CDC42BPA: variants seen among roughly 807,000 people sequenced by gnomAD.
CDC42BPA encodes the protein CDC42 binding protein kinase alpha.
In CDC42BPA, 80 loss-of-function variants were observed where a neutral mutation model predicts 223.5. The ratio of observed to expected loss-of-function variants is 0.36; its 90% CI spans 0.30 to 0.43. CDC42BPA has a LOEUF of 0.43. CDC42BPA is among the 20% of genes least tolerant of loss of function. The pLI, the probability that CDC42BPA is intolerant of heterozygous loss-of-function variation, is 1.00. For synonymous variants in CDC42BPA, 694 were observed against 718.6 expected (o/e 0.97, Z 0.55); for missense variants, 1,743 against 2,099.9 (o/e 0.83, Z 3.32).
intron 21 of CDC42BPA, among the ~76,000 whole-genome samples, chr1:227,056,388 TTTTC>T (rs148613124): frequency 0.12 from 17,621 of 144,470 alleles, 1,077 homozygotes; most frequent in Middle Eastern, 0.15. Context: ...TTTTCTTTTC[TTTTC>T]TTTTTTTTTT....
At chr1:227,262,128 C>T (rs1327818842) in intron 1 of CDC42BPA, among the ~76,000 whole-genome samples, 4 of 151,664 alleles carry the variant, frequency 2.6e-5, no homozygotes, top group African/African-American at 9.7e-5. Flanking sequence ...AGATTAGTAC[C>T]CTCAAGAACT....
intron 3 of CDC42BPA, among the ~76,000 whole-genome samples, chr1:227,201,527 T>C (rs1049185161): frequency 1.1e-4 from 17 of 152,194 alleles, no homozygotes; most frequent in African/African-American, 3.9e-4. Flanking sequence ...ACTTCAAAGA[T>C]AACTCTAAGA....
At chr1:227,316,303 G>C (rs1056117223) in intron 1 of CDC42BPA, among the ~76,000 whole-genome samples, 1 of 152,076 alleles carries the variant, frequency 6.6e-6, no homozygotes, top group Non-Finnish European at 1.5e-5. Flanking sequence ...CACTACAGTA[G>C]GTCTTCTAAA....
intron 11 of CDC42BPA, among the ~76,000 whole-genome samples, chr1:227,123,822 A>G (rs567137817): frequency 1.3e-5 from 2 of 152,224 alleles, no homozygotes; most frequent in South Asian, 4.1e-4. Context: ...CAATGCCCCT[A>G]TTCACAGGAG....
intron 5 of CDC42BPA, among the ~76,000 whole-genome samples, chr1:227,162,596 C>A (rs1664118891): frequency 6.6e-6 from 1 of 151,940 alleles, no homozygotes; most frequent in South Asian, 2.1e-4. Context: ...CAAAGGAGGC[C>A]GAGGAGGGAG....
chr1:227,184,327 T>C (rs1668414435), intron 5 of CDC42BPA, among the ~76,000 whole-genome samples: 1 of 152,188 alleles, frequency 6.6e-6, no homozygotes, highest in Non-Finnish European at 1.5e-5. Flanking sequence ...GTTGTACATT[T>C]AAATCCATGA....
At chr1:227,087,932 T>C (rs1682306830) in intron 16 of CDC42BPA, among the ~76,000 whole-genome samples, 2 of 152,060 alleles carry the variant, frequency 1.3e-5, no homozygotes, top group East Asian at 1.9e-4. Flanking sequence ...TTATTTTTTA[T>C]AGCCCTTCCA....
At chr1:227,082,007 A>G (rs1680767074) in intron 16 of CDC42BPA, among the ~76,000 whole-genome samples, 1 of 152,100 alleles carries the variant, frequency 6.6e-6, no homozygotes, top group Non-Finnish European at 1.5e-5. Flanking sequence ...TGATACCAAT[A>G]AGAAAACCCA....
chr1:227,162,454 T>C (rs1046737881), intron 5 of CDC42BPA, among the ~76,000 whole-genome samples: 8 of 152,202 alleles, frequency 5.3e-5, no homozygotes, highest in Non-Finnish European at 1.2e-4. Flanking sequence ...CATAAAACTA[T>C]GTACTTTTTA....
At position 227,273,273 on chromosome 1, in the gene CDC42BPA, G is replaced by C. The variant is rs556787004; in HGVS notation, c.179-19118C>G. Among the ~76,000 whole-genome samples, 208 of 151,250 alleles carry C rather than the reference G, an allele frequency of 1.4e-3. 2 individuals are homozygous for C. Among genetic ancestry groups the C allele is most frequent in the Non-Finnish European group, 6.9e-4 (47 of 67,816 alleles). On this transcript the variant is annotated intron_variant, in intron 1 of 36. Transcript: ENST00000366766. ...AGATTGCACCACTGCACTCCAGCCT[G>C]GGTGACAGAATGAGACTCTGTCTCA...
intron 30 of CDC42BPA, among the ~76,000 whole-genome samples, chr1:227,026,605 A>C (rs1201864069): frequency 6.6e-6 from 1 of 152,246 alleles, no homozygotes; most frequent in Admixed American, 6.5e-5. Flanking sequence ...CTCAATATAC[A>C]CTTGTTGAAA....
chr1:227,302,051 T>A (rs942147745), intron 1 of CDC42BPA, among the ~76,000 whole-genome samples: 4 of 152,226 alleles, frequency 2.6e-5, no homozygotes, highest in Non-Finnish European at 5.9e-5. Context: ...CCTTCTGAAC[T>A]GCATCCTGTC....
At chr1:227,159,607 A>G (rs1663476599) in intron 6 of CDC42BPA, among the ~76,000 whole-genome samples, 2 of 151,924 alleles carry the variant, frequency 1.3e-5, no homozygotes, top group Admixed American at 1.3e-4. Context: ...TTAAACTGAT[A>G]TATTTTTGGA....
chr1:227,034,874 G>C, intron 25 of CDC42BPA, 80 bp from the exon 26 acceptor site: 1 of 1,292,262 alleles, frequency 7.7e-7, no homozygotes, highest in South Asian at 1.5e-5. Flanking sequence ...TAATTGCATG[G>C]TGAAGACCTA....
At chr1:227,040,625 C>T (rs1454443482) in intron 23 of CDC42BPA, among the ~76,000 whole-genome samples, 3 of 152,060 alleles carry the variant, frequency 2.0e-5, no homozygotes, top group South Asian at 2.1e-4. Flanking sequence ...TTTTAATATG[C>T]TTTATACCTT....
intron 2 of CDC42BPA, among the ~76,000 whole-genome samples, chr1:227,241,523 A>C (rs1257091076): frequency 6.6e-6 from 1 of 152,180 alleles, no homozygotes; most frequent in Non-Finnish European, 1.5e-5. Context: ...TAATACATGC[A>C]ATTGCAAGGA....
chr1:227,149,362 A>G (rs978549990), intron 6 of CDC42BPA, among the ~76,000 whole-genome samples: 1 of 152,126 alleles, frequency 6.6e-6, no homozygotes, highest in African/African-American at 2.4e-5. Context: ...ATTCAAATCT[A>G]CTCTGGAGGA....
chr1:227,095,916 T>C (rs1683906072), intron 15 of CDC42BPA, among the ~76,000 whole-genome samples: 1 of 152,180 alleles, frequency 6.6e-6, no homozygotes, highest in Non-Finnish European at 1.5e-5. Context: ...GAAGACTATA[T>C]TGTTATGTGA....
intron 13 of CDC42BPA, 117 bp downstream of exon 13, chr1:227,112,554 A>G: frequency 1.1e-6 from 1 of 909,716 alleles, no homozygotes; most frequent in Non-Finnish European, 1.5e-6. Context: ...AATAATATTA[A>G]TGAACTATAA....
Sources: allele counts gnomAD v4.1 joint callset (sites outside exome capture counted in the v4.1 genomes callset), GRCh38; gene constraint gnomAD v4.1.1; transcripts MANE v1.5; gene names NCBI Gene and HGNC (gene_info 2026-07-23, HGNC 2026-07-21).